SIPA1L2: variants seen among roughly 807,000 people sequenced by gnomAD.
SIPA1L2 encodes the protein signal induced proliferation associated 1 like 2, also known as signal-induced proliferation-associated 1-like protein 2.
Under a neutral mutation model 163.9 loss-of-function variants are expected in SIPA1L2, and 56 were observed. That is an observed-to-expected ratio of 0.34 (90% CI 0.28 to 0.43). The LOEUF is 0.43. Among genes scored for constraint, SIPA1L2 ranks in the 20% least tolerant of loss-of-function variants. SIPA1L2 has a pLI of 1.00. For synonymous variants in SIPA1L2, 877 were observed against 865.7 expected (o/e 1.01, Z -0.23); for missense variants, 1,974 against 2,193.5 (o/e 0.90, Z 2.00).
At position 232,572,738 on chromosome 1, in the gene SIPA1L2, CATATATATAT is replaced by C. The variant is rs1219493276; in HGVS notation, c.-270+1426_-270+1435del. Among the ~76,000 whole-genome samples the C allele has an allele frequency of 1.3e-3, 50 of 39,678 alleles. 2 individuals are homozygous for C. In the East Asian group the frequency reaches 0.018, roughly 14 times the overall value. 26.0% of individuals were successfully genotyped at this position (39,678 alleles called of 152,430 possible). ...ATATACACACATATATACATACATA[CATATATATAT>C]ATATATATATATATATATATATATA... On this transcript the variant is annotated intron_variant, in intron 2 of 22. Coordinates refer to ENST00000674635, the MANE Select transcript of SIPA1L2 (RefSeq NM_020808.5).
At chr1:232,432,109 C>T in intron 16 of SIPA1L2, 138 bp downstream of exon 16, 1 of 704,556 alleles carries the variant, frequency 1.4e-6, no homozygotes, top group Middle Eastern at 4.1e-4. Context: ...TAAACATCAA[C>T]ATTTAAAGAG....
intron 1 of SIPA1L2, among the ~76,000 whole-genome samples, chr1:232,588,736 G>C (rs1660806148): frequency 6.6e-6 from 1 of 152,188 alleles, no homozygotes; most frequent in Non-Finnish European, 1.5e-5. Flanking sequence ...TATCACAACA[G>C]ATTGAATGCA....
At chr1:232,578,305 T>A (rs546273205) in intron 1 of SIPA1L2, among the ~76,000 whole-genome samples, 1 of 152,318 alleles carries the variant, frequency 6.6e-6, no homozygotes, top group South Asian at 2.1e-4. Context: ...AACATTTGTT[T>A]TATTGCAGTT....
intron 1 of SIPA1L2, among the ~76,000 whole-genome samples, chr1:232,622,359 T>C (rs947460842): frequency 2.6e-5 from 4 of 152,238 alleles, no homozygotes; most frequent in African/African-American, 7.2e-5. Context: ...AGATGCACTA[T>C]ACAATACTGA....
chr1:232,580,511 C>G (rs988004654), intron 1 of SIPA1L2, among the ~76,000 whole-genome samples: 1 of 152,076 alleles, frequency 6.6e-6, no homozygotes, highest in African/African-American at 2.4e-5. Context: ...GTTAAAATGC[C>G]TGACAGGAGC....
chr1:232,510,514 T>C (rs936124451), intron 3 of SIPA1L2, among the ~76,000 whole-genome samples: 13 of 152,088 alleles, frequency 8.5e-5, no homozygotes, highest in Admixed American at 2.0e-4. Flanking sequence ...GATTCTTCTT[T>C]GGAGCTTATT....
intron 12 of SIPA1L2, among the ~76,000 whole-genome samples, chr1:232,442,746 C>A (rs1038841315): frequency 6.6e-6 from 1 of 152,016 alleles, no homozygotes; most frequent in African/African-American, 2.4e-5. Context: ...ACTGTTTATA[C>A]AAAAAAGAAC....
intron 1 of SIPA1L2, among the ~76,000 whole-genome samples, chr1:232,607,340 C>G (rs577003161): frequency 6.6e-6 from 1 of 152,192 alleles, no homozygotes; most frequent in South Asian, 2.1e-4. Context: ...CCTTATAAAA[C>G]AAGATATTTA....
intron 8 of SIPA1L2, among the ~76,000 whole-genome samples, chr1:232,466,261 C>T (rs928084124): frequency 1.3e-5 from 2 of 152,062 alleles, no homozygotes; most frequent in Non-Finnish European, 2.9e-5. Flanking sequence ...TTAAGTGTCA[C>T]TTTTTTAAAG....
chr1:232,423,698 T>C (rs1298060025), intron 18 of SIPA1L2, among the ~76,000 whole-genome samples: 1 of 152,228 alleles, frequency 6.6e-6, no homozygotes. Context: ...ATAACTTGAC[T>C]GTTTCCTAAT....
At chr1:232,448,649 T>C (rs1663358441) in intron 10 of SIPA1L2, among the ~76,000 whole-genome samples, 1 of 152,074 alleles carries the variant, frequency 6.6e-6, no homozygotes, top group African/African-American at 2.4e-5. Context: ...GAGGAAGGTG[T>C]GCTGAGGGAA....
chr1:232,467,088 G>A (rs1664558767), intron 8 of SIPA1L2, among the ~76,000 whole-genome samples: 2 of 152,338 alleles, frequency 1.3e-5, no homozygotes, highest in Non-Finnish European at 2.9e-5. Flanking sequence ...TCTGAAATGT[G>A]GTTGGTTAGA....
At chr1:232,404,259 T>C (rs1300971730) in intron 19 of SIPA1L2, 81 bp from the exon 20 acceptor site, 3 of 1,288,146 alleles carry the variant, frequency 2.3e-6, no homozygotes, top group Non-Finnish European at 3.3e-6. Context: ...AAAATGCGGC[T>C]GTGTGAAGTA....
chr1:232,598,360 G>T (rs916254590), intron 1 of SIPA1L2, among the ~76,000 whole-genome samples: 1 of 152,164 alleles, frequency 6.6e-6, no homozygotes, highest in Non-Finnish European at 1.5e-5. Flanking sequence ...CAAGTAAGCG[G>T]TGATGGCATC....
At chr1:232,501,208 C>T (rs1408036751) in intron 3 of SIPA1L2, among the ~76,000 whole-genome samples, 1 of 151,848 alleles carries the variant, frequency 6.6e-6, no homozygotes, top group African/African-American at 2.4e-5. Context: ...CAGGCACCCA[C>T]CACCACACCC....
intron 3 of SIPA1L2, among the ~76,000 whole-genome samples, chr1:232,501,048 G>GTATTTTT (rs1666445653): frequency 1.7e-5 from 1 of 58,452 alleles, no homozygotes; most frequent in Non-Finnish European, 3.7e-5. Context: ...TAGCAATGAA[G>GTATTTTT]TATTTTTTTT....
chr1:232,574,243 C>T (rs543208356), intron 1 of SIPA1L2, among the ~76,000 whole-genome samples, 21 bp from the exon 2 acceptor site: 28 of 152,300 alleles, frequency 1.8e-4, no homozygotes, highest in African/African-American at 6.5e-4. Flanking sequence ...AGAAAGAGAC[C>T]CATTCAGACT....
chr1:232,568,075 G>A (rs1659506563), intron 2 of SIPA1L2, among the ~76,000 whole-genome samples: 1 of 152,210 alleles, frequency 6.6e-6, no homozygotes, highest in African/African-American at 2.4e-5. Context: ...TTCATCTGTA[G>A]AAGAGACATG....
chr1:232,480,160 T>C (rs111794017), intron 6 of SIPA1L2, among the ~76,000 whole-genome samples: 4 of 124,760 alleles, frequency 3.2e-5, no homozygotes, highest in East Asian at 2.3e-4. Flanking sequence ...TGTGCGTGTG[T>C]GTGTGTGTGT....
Sources: gnomAD v4.1 joint callset for allele counts (sites outside exome capture counted in the v4.1 genomes callset) on GRCh38, gnomAD v4.1.1 for gene constraint, MANE v1.5 for transcripts, NCBI Gene and HGNC (gene_info 2026-07-23, HGNC 2026-07-21) for gene names.